Variants in DIAPH3 observed in about 807,000 individuals in gnomAD.
The protein encoded by DIAPH3 is protein diaphanous homolog 3.
A neutral mutation model predicts 144.3 loss-of-function variants in DIAPH3; 117 were observed. That is an observed-to-expected ratio of 0.81 (90% CI 0.70 to 0.95). The LOEUF (loss-of-function observed/expected upper bound fraction) is 0.95, where lower values mean the gene tolerates loss of function less well. DIAPH3 is among the 40% of genes least tolerant of loss of function. DIAPH3 has a pLI of 0.00. For missense variants in DIAPH3, 1,421 were observed against 1,412.7 expected, an observed-to-expected ratio of 1.01 and a Z score of -0.09; for synonymous variants, 519 against 488.9, an observed-to-expected ratio of 1.06 and a Z score of -0.81.
intron 21 of DIAPH3, among the ~76,000 whole-genome samples, chr13:59,867,787 A>T (rs1378703266): frequency 2.0e-5 from 3 of 152,138 alleles, no homozygotes; most frequent in African/African-American, 7.2e-5. Flanking sequence ...AATGTTCCTT[A>T]CAAAAAAGGA....
intron 27 of DIAPH3, among the ~76,000 whole-genome samples, chr13:59,715,641 AGG>A (rs1282932865): frequency 6.6e-6 from 1 of 152,030 alleles, no homozygotes; most frequent in Non-Finnish European, 1.5e-5. Flanking sequence ...CCCTGTTCAG[AGG>A]GGAGAGGAAA....
chr13:59,788,459 A>C (rs997009784), intron 25 of DIAPH3, among the ~76,000 whole-genome samples: 3 of 152,196 alleles, frequency 2.0e-5, no homozygotes, highest in Admixed American at 2.0e-4. Flanking sequence ...TCCTCTAAAA[A>C]ATAGCTTTTT....
chr13:59,734,682 C>T (rs958600066), intron 27 of DIAPH3, among the ~76,000 whole-genome samples: 1 of 152,162 alleles, frequency 6.6e-6, no homozygotes, highest in African/African-American at 2.4e-5. Context: ...CTGATAGCAA[C>T]GACCCAGTCC....
chr13:59,786,601 C>G (rs1176143052), intron 25 of DIAPH3, among the ~76,000 whole-genome samples: 1 of 151,938 alleles, frequency 6.6e-6, no homozygotes, highest in African/African-American at 2.4e-5. Context: ...TATTAAGGCA[C>G]AAGATGTAAG....
At chr13:59,886,514 T>C (rs1255503733) in intron 20 of DIAPH3, among the ~76,000 whole-genome samples, 1 of 152,094 alleles carries the variant, frequency 6.6e-6, no homozygotes, top group Non-Finnish European at 1.5e-5. Flanking sequence ...TGCTGAGATT[T>C]TGATTGGGAA....
At chr13:60,089,406 A>T (rs1314944409) in intron 4 of DIAPH3, among the ~76,000 whole-genome samples, 2 of 152,196 alleles carry the variant, frequency 1.3e-5, no homozygotes, top group Non-Finnish European at 2.9e-5. Flanking sequence ...AACTATACTC[A>T]AGGTTAAGCA....
chr13:59,685,491 C>T (rs1364755888), intron 27 of DIAPH3, among the ~76,000 whole-genome samples: 4 of 152,102 alleles, frequency 2.6e-5, no homozygotes, highest in African/African-American at 7.2e-5. Flanking sequence ...ACAGAGCATC[C>T]ACTGAATCCT....
At chr13:59,988,521 T>C (rs2051585017) in intron 12 of DIAPH3, among the ~76,000 whole-genome samples, 2 of 151,818 alleles carry the variant, frequency 1.3e-5, no homozygotes, top group South Asian at 4.1e-4. Flanking sequence ...TGAAATTTCA[T>C]GCAAAAACTC....
At chr13:59,725,113 G>C (rs974508430) in intron 27 of DIAPH3, among the ~76,000 whole-genome samples, 2 of 152,162 alleles carry the variant, frequency 1.3e-5, no homozygotes, top group Non-Finnish European at 2.9e-5. Context: ...TTGCAGCATA[G>C]CTAAGTTTTG....
chr13:60,001,925 T>C (rs367853786), intron 9 of DIAPH3, among the ~76,000 whole-genome samples: 6 of 152,162 alleles, frequency 3.9e-5, no homozygotes, highest in African/African-American at 1.4e-4. Flanking sequence ...GTGCCTGATT[T>C]CAGCTAAAGT....
chr13:59,756,468 AGAAG>A (rs1181203552), intron 27 of DIAPH3, among the ~76,000 whole-genome samples: 4 of 92,286 alleles, frequency 4.3e-5, no homozygotes, highest in East Asian at 3.1e-4. Context: ...AAGGAAGGAA[AGAAG>A]GAAGGAAGGA....
intron 4 of DIAPH3, among the ~76,000 whole-genome samples, chr13:60,092,346 C>T (rs990842205): frequency 3.9e-5 from 6 of 152,012 alleles, no homozygotes; most frequent in Admixed American, 2.0e-4. Context: ...GATACAGAGC[C>T]CATCTATATA....
At chr13:59,941,780 T>C (rs1230214112) in intron 17 of DIAPH3, among the ~76,000 whole-genome samples, 2 of 151,786 alleles carry the variant, frequency 1.3e-5, no homozygotes, top group East Asian at 3.9e-4. Context: ...GCAACTCAAT[T>C]AGGAAAAAAA....
intron 27 of DIAPH3, among the ~76,000 whole-genome samples, chr13:59,667,365 T>A (rs996673284): frequency 2.0e-5 from 3 of 152,224 alleles, no homozygotes; most frequent in African/African-American, 7.2e-5. Context: ...CTGCTGTAAC[T>A]TCAGGGCCTA....
chr13:59,673,472 T>C (rs1389401855), intron 27 of DIAPH3, among the ~76,000 whole-genome samples: 2 of 152,220 alleles, frequency 1.3e-5, no homozygotes, highest in African/African-American at 4.8e-5. Flanking sequence ...CTCTAAAGCC[T>C]TGGAATTTTG....
chr13:59,944,766 T>A (rs1458869773), intron 17 of DIAPH3, among the ~76,000 whole-genome samples: 3 of 142,320 alleles, frequency 2.1e-5, no homozygotes, highest in African/African-American at 7.6e-5. Context: ...AACTTGTTTC[T>A]AGCAACTTTT....
intron 24 of DIAPH3, among the ~76,000 whole-genome samples, chr13:59,814,492 T>C (rs184518020): frequency 1.3e-5 from 2 of 152,276 alleles, no homozygotes; most frequent in Non-Finnish European, 2.9e-5. Context: ...AATATCCGAG[T>C]TCAAACAGTA....
intron 4 of DIAPH3, among the ~76,000 whole-genome samples, chr13:60,067,986 T>G (rs1319650740): frequency 2.0e-5 from 3 of 152,220 alleles, no homozygotes; most frequent in Admixed American, 2.0e-4. Flanking sequence ...TTATATGATT[T>G]TCTGCAGATT....
intron 5 of DIAPH3, among the ~76,000 whole-genome samples, chr13:60,022,613 G>C (rs1050674866): frequency 6.6e-6 from 1 of 152,144 alleles, no homozygotes. Context: ...CCAGTCATCA[G>C]ATGGGACTCT....
Sources: allele counts gnomAD v4.1 joint callset (sites outside exome capture counted in the v4.1 genomes callset), GRCh38; gene constraint gnomAD v4.1.1; transcripts MANE v1.5; gene names NCBI Gene and HGNC (gene_info 2026-07-23, HGNC 2026-07-21).